Variants in FLVCR2 observed in about 807,000 individuals in gnomAD.
The protein encoded by FLVCR2 is FLVCR choline and putative heme transporter 2.
In FLVCR2, 38 loss-of-function variants were observed where a neutral mutation model predicts 48.9. That is an observed-to-expected ratio of 0.78 (90% CI 0.60 to 1.02). The LOEUF is 1.02. Ranked by LOEUF, FLVCR2 falls within the 50% of genes least tolerant of loss-of-function variation. The pLI is 0.00. For synonymous variants in FLVCR2, 255 were observed against 257.0 expected (o/e 0.99, Z 0.07); for missense variants, 664 against 663.3 (o/e 1.00, Z -0.01).
chr14:75,633,876 TACTAA>T (rs1841221104), intron 4 of FLVCR2, among the ~76,000 whole-genome samples, 180 bp downstream of exon 4: 1 of 152,072 alleles, frequency 6.6e-6, no homozygotes, highest in African/African-American at 2.4e-5. Context: ...GCTTTGGTGT[TACTAA>T]ACTGTGTGAT....
chr14:75,603,346 C>G (rs1889210976), intron 1 of FLVCR2, among the ~76,000 whole-genome samples: 1 of 152,198 alleles, frequency 6.6e-6, no homozygotes, highest in Non-Finnish European at 1.5e-5. Context: ...GAAGCATTAG[C>G]CAGACATCAG....
rs772224570 is a variant in FLVCR2 at position 75,579,176 on chromosome 14, T to C, written c.204T>C (p.Ser68=). 6.8e-6 allele frequency: 11 copies of C among 1,614,028 alleles called. No individual in the cohort carries two copies. Among genetic ancestry groups the C allele is most frequent in the Non-Finnish European group, 9.3e-6 (11 of 1,180,000 alleles). ...LAQPSGLAHP[S]SSGPEDLSVI... ...AACCCAGTGGCTTGGCTCACCCCAG[T>C]AGCTCGGGCCCTGAGGACCTCAGCG... Residue 68 remains serine, a synonymous_variant, in exon 1 of 10, where the codon AGT becomes AGC. Transcript: ENST00000238667.
At chr14:75,601,565 C>G (rs1389242752) in intron 1 of FLVCR2, among the ~76,000 whole-genome samples, 3 of 152,090 alleles carry the variant, frequency 2.0e-5, no homozygotes. Context: ...GACATTGGAA[C>G]TCTTTTGCAT....
At chr14:75,614,144 T>G (rs1465513257) in intron 1 of FLVCR2, among the ~76,000 whole-genome samples, 2 of 152,246 alleles carry the variant, frequency 1.3e-5, no homozygotes, top group Non-Finnish European at 2.9e-5. Flanking sequence ...TAATCCAATG[T>G]GTGAAAGTCT....
At position 75,621,916 on chromosome 14, in the gene FLVCR2, A is replaced by G. The variant is rs1889776890; in HGVS notation, c.670-163A>G. ...TGTATGAGCCAAAATGTCAGTCAGA[A>G]GAAAGATTTCTCTGGTGTTTTGAGG... On this transcript the variant is annotated intron_variant, in intron 1 of 9. Coordinates refer to ENST00000238667, the MANE Select transcript of FLVCR2 (RefSeq NM_017791.3). 4.9e-6 allele frequency: 4 copies of G among 808,420 alleles called. No homozygotes were observed. The African/African-American group carries it at 6.7e-5, about 14-fold the overall frequency. The allele number at this position is 808,420 out of a possible 1,614,324, so 50.1% of individuals were successfully genotyped here.
At chr14:75,582,483 G>T (rs1178378268) in intron 1 of FLVCR2, among the ~76,000 whole-genome samples, 1 of 152,224 alleles carries the variant, frequency 6.6e-6, no homozygotes, top group African/African-American at 2.4e-5. Flanking sequence ...TAGAGAGTGA[G>T]TTGAGCATAG....
chr14:75,632,642 G>A (rs889264037), intron 3 of FLVCR2: 10 of 702,212 alleles, frequency 1.4e-5, no homozygotes, highest in African/African-American at 1.4e-4. Flanking sequence ...AACTCCTGAG[G>A]CTGCCCTGTC....
intron 3 of FLVCR2, among the ~76,000 whole-genome samples, chr14:75,627,143 C>T (rs547013446): frequency 1.1e-4 from 17 of 152,098 alleles, no homozygotes; most frequent in African/African-American, 4.1e-4. Context: ...CCTCCTTCCT[C>T]TCACATGCCT....
Position 75,588,503 on chromosome 14 carries a change from A to G in FLVCR2, c.669+8862A>G, listed in dbSNP as rs146723744. The stretch of plus-strand genomic sequence containing the variant: ...TTGTTGTTATTGTTTTTGTTTTGAG[A>G]TAGAGTCTCATTCTAGCCACCCAGG... On this transcript the variant is annotated intron_variant, in intron 1 of 9. Coordinates refer to ENST00000238667, the MANE Select transcript of FLVCR2 (RefSeq NM_017791.3). Among the ~76,000 whole-genome samples, 18 of 152,186 alleles carry G rather than the reference A, an allele frequency of 1.2e-4. No individual in the cohort carries two copies. In the East Asian group the frequency reaches 3.3e-3, roughly 28 times the overall value.
chr14:75,608,776 C>T (rs1272694500), intron 1 of FLVCR2, among the ~76,000 whole-genome samples: 1 of 152,162 alleles, frequency 6.6e-6, no homozygotes, highest in Non-Finnish European at 1.5e-5. Flanking sequence ...GAGGAAGGTT[C>T]CTCATTGTCT....
At chr14:75,639,616 A>G (rs911517381) in intron 6 of FLVCR2, among the ~76,000 whole-genome samples, 154 bp downstream of exon 6, 40 of 152,214 alleles carry the variant, frequency 2.6e-4, no homozygotes, top group Non-Finnish European at 4.7e-4. Flanking sequence ...TAATACTTGT[A>G]GTACTTCCAA....
intron 1 of FLVCR2, among the ~76,000 whole-genome samples, chr14:75,616,900 C>T (rs1345016488): frequency 6.6e-6 from 1 of 152,204 alleles, no homozygotes. Flanking sequence ...GAAGCCCTCA[C>T]CACTGTGTGG....
intron 1 of FLVCR2, among the ~76,000 whole-genome samples, chr14:75,586,086 C>T (rs1238988133): frequency 6.6e-6 from 1 of 152,196 alleles, no homozygotes. Context: ...CACGCATCCA[C>T]GTGAAGAGAC....
rs927549455 is a variant in FLVCR2 at position 75,578,677 on chromosome 14, C to T, written c.-296C>T. ...GAGAGAACTTTTCCTGCACAAGGAA[C>T]GCCTCGTGGGGAGACCCAAGGCAGG... On this transcript the variant is annotated 5_prime_UTR_variant, in exon 1 of 10. In the 5' UTR this introduces an upstream ATG that the reference lacks. Transcript: ENST00000238667. 2.0e-6 allele frequency: 1 copy of T among 510,074 alleles called. No homozygotes were observed. Among genetic ancestry groups the T allele is most frequent in the African/African-American group, 1.9e-5 (1 of 51,912 alleles). The allele number at this position is 510,074 out of a possible 1,614,324, so 31.6% of individuals were successfully genotyped here. A position where few individuals can be genotyped will look rare whatever the true frequency, so the allele number is the denominator to read the frequency against.
At chr14:75,639,662 T>G (rs1307608956) in intron 6 of FLVCR2, among the ~76,000 whole-genome samples, 200 bp downstream of exon 6, 1 of 152,178 alleles carries the variant, frequency 6.6e-6, no homozygotes, top group Non-Finnish European at 1.5e-5. Flanking sequence ...TGGGATGGAA[T>G]GAAGCATGAA....
intron 1 of FLVCR2, among the ~76,000 whole-genome samples, chr14:75,615,494 A>G (rs1805808370): frequency 6.6e-6 from 1 of 152,176 alleles, no homozygotes; most frequent in African/African-American, 2.4e-5. Flanking sequence ...CCAACCCTGC[A>G]GACAGGGAGT....
At chr14:75,627,472 CCTA>C (rs1889930344) in intron 3 of FLVCR2, among the ~76,000 whole-genome samples, 1 of 152,186 alleles carries the variant, frequency 6.6e-6, no homozygotes, top group South Asian at 2.1e-4. Context: ...TCCCTTTCTC[CCTA>C]CTACAGCCTT....
intron 9 of FLVCR2, among the ~76,000 whole-genome samples, chr14:75,642,711 C>A (rs183015106): frequency 6.6e-6 from 1 of 152,218 alleles, no homozygotes; most frequent in East Asian, 1.9e-4. Context: ...AGATGAGATG[C>A]CTTTTTTGCA....
intron 1 of FLVCR2, among the ~76,000 whole-genome samples, chr14:75,607,826 A>C (rs1889333158): frequency 1.3e-5 from 2 of 152,036 alleles, no homozygotes; most frequent in Admixed American, 6.6e-5. Flanking sequence ...TAATCCTAGC[A>C]CTTAGGGAGG....
Sources: allele counts gnomAD v4.1 joint callset (sites outside exome capture counted in the v4.1 genomes callset), GRCh38; gene constraint gnomAD v4.1.1; transcripts MANE v1.5; gene names NCBI Gene and HGNC (gene_info 2026-07-23, HGNC 2026-07-21).